Variants in RBFOX1 observed in about 807,000 individuals in gnomAD.
The protein encoded by RBFOX1 is RNA binding fox-1 homolog 1.
RBFOX1 carries 8 observed loss-of-function variants against 57.7 expected under a neutral mutation model. The observed-to-expected ratio is 0.14, with a 90% CI of 0.08 to 0.25. The LOEUF is 0.25. RBFOX1 is among the 10% of genes least tolerant of loss of function. The pLI, the probability that RBFOX1 is intolerant of heterozygous loss-of-function variation, is 1.00. For synonymous variants in RBFOX1, 326 were observed against 222.4 expected (o/e 1.47, Z -4.15); for missense variants, 611 against 548.5 (o/e 1.11, Z -1.14).
rs920684165 is a variant in RBFOX1 at position 7,381,249 on chromosome 16, G to A, written c.28-136898G>A. Among the ~76,000 whole-genome samples, 17 of 152,266 alleles carry A rather than the reference G, an allele frequency of 1.1e-4. No individual in the cohort carries two copies. The East Asian group carries it at 2.1e-3, about 19-fold the overall frequency. ...TGTCTCTCAAACCCAGGTGCAAGTGGAAATTTTTATGGGCCCTGACTTTTC... is the reference window on the plus strand; with the variant it reads ...TGTCTCTCAAACCCAGGTGCAAGTGAAAATTTTTATGGGCCCTGACTTTTC... On this transcript the variant is annotated intron_variant, in intron 4 of 15. Transcript: ENST00000550418.
chr16:6,344,906 G>T (rs931667093), intron 2 of RBFOX1, among the ~76,000 whole-genome samples: 1 of 149,582 alleles, frequency 6.7e-6, no homozygotes, highest in Non-Finnish European at 1.5e-5. Context: ...GGCCAGGCTG[G>T]TCTTGAATTT....
At position 5,657,676 on chromosome 16, in the gene RBFOX1, TTTTC is replaced by T. The variant is rs199946037; in HGVS notation, c.318+58733_318+58736del. On this transcript the variant is annotated intron_variant, in intron 3 of 19. Coordinates refer to the RBFOX1 transcript ENST00000641259. ...TCTTTTCTTTTCTTTCTTTCTTTTC[TTTTC>T]TTTCTTTCTTTCTTTCTCCTTCTGT... 8.3e-3 allele frequency among the ~76,000 whole-genome samples: 537 copies of T among 64,872 alleles called. 4 individuals carry two copies. The highest frequency in any genetic ancestry group is 0.014 in the Middle Eastern group (2 of 142). The allele number at this position is 64,872 out of a possible 152,430, so 42.6% of individuals were successfully genotyped here. A position where few individuals can be genotyped will look rare whatever the true frequency, so the allele number is the denominator to read the frequency against.
At chr16:7,557,604 A>G (rs1035455214) in intron 5 of RBFOX1, among the ~76,000 whole-genome samples, 1 of 125,470 alleles carries the variant, frequency 8.0e-6, no homozygotes, top group Non-Finnish European at 1.6e-5. Flanking sequence ...TGGGAGACAA[A>G]GTTAGACTCT....
chr16:5,666,516 GT>G (rs1350364814), intron 3 of RBFOX1, among the ~76,000 whole-genome samples: 3 of 152,156 alleles, frequency 2.0e-5, no homozygotes, highest in Admixed American at 6.5e-5. Context: ...GACCAAATAG[GT>G]TCCTTTGGAG....
At chr16:5,443,522 T>G (rs879557708) in intron 1 of RBFOX1, among the ~76,000 whole-genome samples, 18 of 152,188 alleles carry the variant, frequency 1.2e-4, no homozygotes, top group Admixed American at 1.0e-3. Flanking sequence ...GTATTTTTAA[T>G]AAAGATGGGG....
At chr16:6,883,236 A>G (rs1354150832) in intron 3 of RBFOX1, among the ~76,000 whole-genome samples, 1 of 152,206 alleles carries the variant, frequency 6.6e-6, no homozygotes, top group African/African-American at 2.4e-5. Context: ...TCGCTTTGCT[A>G]CACTATGGGT....
In RBFOX1 at chr16:5,723,042, C is replaced by T. The variant is rs114484328; in HGVS notation, c.318+124081C>T. On this transcript the variant is annotated intron_variant, in intron 3 of 19. Coordinates refer to the RBFOX1 transcript ENST00000641259. ...AGTTGTGGTGGTGCCACAAATCCAT[C>T]ACAAACTGCTTTCCTAATCTCCAGC... 3.6e-3 allele frequency among the ~76,000 whole-genome samples: 548 copies of T among 152,308 alleles called. 2 individuals are homozygous for T. The highest frequency in any genetic ancestry group is 0.011 in the African/African-American group (475 of 41,570).
chr16:6,716,998 G>C (rs112619554), intron 3 of RBFOX1, among the ~76,000 whole-genome samples: 1 of 152,170 alleles, frequency 6.6e-6, no homozygotes, highest in Admixed American at 6.5e-5. Context: ...AGAAGAGACA[G>C]AAGAGCTTGC....
At chr16:6,776,832 T>C (rs919090587) in intron 3 of RBFOX1, among the ~76,000 whole-genome samples, 2 of 152,016 alleles carry the variant, frequency 1.3e-5, no homozygotes, top group Non-Finnish European at 2.9e-5. Context: ...AATGCTTTGC[T>C]GTTTTATTTT....
intron 4 of RBFOX1, among the ~76,000 whole-genome samples, chr16:7,302,430 T>C (rs2096056878): frequency 6.6e-6 from 1 of 152,134 alleles, no homozygotes; most frequent in Non-Finnish European, 1.5e-5. Flanking sequence ...GGGTGAGCCC[T>C]GAGGAGGAGG....
chr16:6,838,717 G>A lies in RBFOX1; in HGVS notation c.-16+184067G>A, dbSNP rs546659399. On this transcript the variant is annotated intron_variant, in intron 3 of 15. Coordinates refer to ENST00000550418, the MANE Select transcript of RBFOX1 (RefSeq NM_018723.4). ...TAATCCCCAGTCTGGGGGCTTGCCC[G>A]TCCTGCATCGGTAATACATTTGCTT... 8.5e-5 allele frequency among the ~76,000 whole-genome samples: 13 copies of A among 152,188 alleles called. No individual in the cohort carries two copies. The South Asian group carries it at 1.2e-3, about 15-fold the overall frequency.
chr16:5,819,271 C>T (rs950979468), intron 3 of RBFOX1, among the ~76,000 whole-genome samples: 1 of 152,218 alleles, frequency 6.6e-6, no homozygotes, highest in Non-Finnish European at 1.5e-5. Flanking sequence ...TACGAGCTCT[C>T]TGGGATCTCT....
intron 1 of RBFOX1, among the ~76,000 whole-genome samples, chr16:6,174,252 C>T (rs928986594): frequency 6.6e-6 from 1 of 152,152 alleles, no homozygotes; most frequent in Non-Finnish European, 1.5e-5. Flanking sequence ...TCATTGTCCT[C>T]ACTGTTGCGC....
At chr16:6,342,396 T>C (rs1180851579) in intron 2 of RBFOX1, among the ~76,000 whole-genome samples, 1 of 152,134 alleles carries the variant, frequency 6.6e-6, no homozygotes. Flanking sequence ...TGTTTTGCCA[T>C]GGCAATCTTT....
At chr16:7,497,803 C>T (rs868627469) in intron 4 of RBFOX1, among the ~76,000 whole-genome samples, 26 of 152,188 alleles carry the variant, frequency 1.7e-4, no homozygotes, top group Admixed American at 9.8e-4. Flanking sequence ...AGAATGTCTA[C>T]GGATGCCTTA....
intron 4 of RBFOX1, among the ~76,000 whole-genome samples, chr16:7,451,472 C>T (rs530482952): frequency 3.9e-5 from 6 of 152,138 alleles, no homozygotes; most frequent in South Asian, 2.1e-4. Flanking sequence ...TGCTCGGGAC[C>T]GTAATGCAAG....
chr16:5,692,527 G>T (rs1224512070), intron 3 of RBFOX1, among the ~76,000 whole-genome samples: 1 of 152,136 alleles, frequency 6.6e-6, no homozygotes, highest in East Asian at 1.9e-4. Context: ...AGTAGAGAAA[G>T]TCCATTTCTG....
chr16:7,507,868 C>G (rs979468071), intron 4 of RBFOX1, among the ~76,000 whole-genome samples: 1 of 148,194 alleles, frequency 6.7e-6, no homozygotes, highest in Non-Finnish European at 1.5e-5. Context: ...CGGCCGGAAT[C>G]TGTTATTTTT....
chr16:5,525,612 C>T (rs948043152), intron 2 of RBFOX1, among the ~76,000 whole-genome samples: 2 of 150,744 alleles, frequency 1.3e-5, no homozygotes, highest in African/African-American at 4.9e-5. Flanking sequence ...ATTCTCCTGC[C>T]TCAGCCTACT....
Sources: gnomAD v4.1 joint callset for allele counts (sites outside exome capture counted in the v4.1 genomes callset) on GRCh38, gnomAD v4.1.1 for gene constraint, MANE v1.5 for transcripts, NCBI Gene and HGNC (gene_info 2026-07-23, HGNC 2026-07-21) for gene names.